Variants in ABHD2 observed in about 807,000 individuals in gnomAD.
The protein encoded by ABHD2 is abhydrolase domain containing 2, acylglycerol lipase.
A neutral mutation model predicts 48.1 loss-of-function variants in ABHD2; 20 were observed. The observed-to-expected ratio is 0.42, with a 90% CI of 0.29 to 0.60. The LOEUF is 0.60. ABHD2 is among the 20% of genes least tolerant of loss of function. The pLI, the probability that ABHD2 is intolerant of heterozygous loss-of-function variation, is 0.24. For synonymous variants in ABHD2, 209 were observed against 214.2 expected (o/e 0.98, Z 0.21); for missense variants, 405 against 550.9 (o/e 0.74, Z 2.65).
rs1242549928 is a variant in ABHD2, at chr15:89,201,007, A to G, written c.*5584A>G. 2.3e-5 allele frequency: 13 copies of G among 561,970 alleles called. No individual in the cohort carries two copies. Among genetic ancestry groups the G allele is most frequent in the Non-Finnish European group, 4.1e-5 (13 of 318,254 alleles). The allele number at this position is 561,970 out of a possible 1,614,324, so 34.8% of individuals were successfully genotyped here. On this transcript the variant is annotated 3_prime_UTR_variant, in exon 11 of 11. Transcript: ENST00000352732. Reference sequence around the variant, plus strand: ...TGAGGTGGGAGAATTGCTTGAACCCAGGAGACGGAGGTTGCAGTGAGCCGA... The same window carrying G: ...TGAGGTGGGAGAATTGCTTGAACCCGGGAGACGGAGGTTGCAGTGAGCCGA...
At chr15:89,048,935 C>T in the ABHD2 span, among the ~76,000 whole-genome samples, 28 of 142,508 alleles carry the variant, frequency 2.0e-4, no homozygotes, top group South Asian at 4.4e-3. Context: ...TGAGGAACTG[C>T]GTTCCTTTGG....
At chr15:89,062,044 C>T in the ABHD2 span, among the ~76,000 whole-genome samples, 3 of 152,116 alleles carry the variant, frequency 2.0e-5, no homozygotes, top group African/African-American at 7.2e-5. Context: ...CTTCAAGGAA[C>T]TGGAGCAGGC....
chr15:89,135,546 T>TTCA (rs2050294367), intron 3 of ABHD2: 1 of 1,412,716 alleles, frequency 7.1e-7, no homozygotes, highest in African/African-American at 1.4e-5. Flanking sequence ...AACCAACTTA[T>TTCA]TCATCATCAT....
At chr15:89,192,662 A>G (rs1341487897) in intron 9 of ABHD2, among the ~76,000 whole-genome samples, 4 of 152,150 alleles carry the variant, frequency 2.6e-5, no homozygotes, top group African/African-American at 9.7e-5. Flanking sequence ...GGCATAAGCC[A>G]TAAGCCTGAC....
intron 5 of ABHD2, among the ~76,000 whole-genome samples, chr15:89,165,293 GTTTTT>G (rs941188103): frequency 1.1e-3 from 157 of 146,088 alleles, no homozygotes; most frequent in African/African-American, 3.8e-3. Context: ...TCTAAAAAAT[GTTTTT>G]TTTTTTTAAA....
chr15:89,109,728 A>G (rs1038020551), intron 1 of ABHD2, among the ~76,000 whole-genome samples: 1 of 152,230 alleles, frequency 6.6e-6, no homozygotes, highest in African/African-American at 2.4e-5. Context: ...GCAGCAAGAT[A>G]AAGTGAATGT....
rs182448350 is a variant in ABHD2, at chr15:89,134,059, C to T, written c.194+17538C>T. 3.0e-4 allele frequency among the ~76,000 whole-genome samples: 46 copies of T among 152,150 alleles called. 2 individuals are homozygous for T. The East Asian group carries it at 3.9e-3, about 13-fold the overall frequency. ...TTCACCATGTTAGCCAGGATGGCCT[C>T]GATCTCCTGACCTCGTGATCCTCCC... On this transcript the variant is annotated intron_variant, in intron 3 of 10. Transcript: ENST00000352732.
chr15:89,069,551 T>G, the ABHD2 span, among the ~76,000 whole-genome samples: 5 of 152,162 alleles, frequency 3.3e-5, no homozygotes, highest in African/African-American at 1.2e-4. Context: ...GTTCTTGCTT[T>G]CTTTATAATT....
At chr15:89,065,635 T>C in the ABHD2 span, among the ~76,000 whole-genome samples, 1 of 152,214 alleles carries the variant, frequency 6.6e-6, no homozygotes, top group Non-Finnish European at 1.5e-5. Flanking sequence ...ATCCCTTGTA[T>C]TTCAAATGAA....
chr15:89,134,532 T>A (rs960600211), intron 3 of ABHD2, among the ~76,000 whole-genome samples: 2 of 152,238 alleles, frequency 1.3e-5, no homozygotes, highest in African/African-American at 4.8e-5. Context: ...CTTTGTACTA[T>A]GTTTTGCTGT....
chr15:89,098,518 C>G (rs1171446973), intron 1 of ABHD2, among the ~76,000 whole-genome samples: 2 of 152,180 alleles, frequency 1.3e-5, no homozygotes, highest in Non-Finnish European at 2.9e-5. Context: ...CCAACCCCTT[C>G]CAGCTCCTTG....
rs1354919827 is a variant in ABHD2, at chr15:89,094,343, T to C, written c.-107+5780T>C. ...TATTTGTGTACTGTTTACTTAGTCA[T>C]GTCAATGAGGGCAATAAAAAACAAA... On this transcript the variant is annotated intron_variant, in intron 1 of 10. Coordinates refer to ENST00000352732, the MANE Select transcript of ABHD2 (RefSeq NM_152924.5). The surrounding 1 kb of genome is among the most constrained non-coding windows in gnomAD (Gnocchi z 4.7). 6.6e-6 allele frequency: 1 copy of C among 152,172 alleles called. No individual in the cohort carries two copies. The highest frequency in any genetic ancestry group is 1.5e-5 in the Non-Finnish European group (1 of 68,030). 9.4% of individuals were successfully genotyped at this position (152,172 alleles called of 1,614,324 possible).
At chr15:89,141,091 C>T (rs1180632978) in intron 3 of ABHD2, among the ~76,000 whole-genome samples, 2 of 151,988 alleles carry the variant, frequency 1.3e-5, no homozygotes, top group African/African-American at 4.8e-5. Context: ...AACTCAGCCT[C>T]CCAAATAGCT....
chr15:89,119,237 C>A (rs1168051919), intron 3 of ABHD2, among the ~76,000 whole-genome samples: 1 of 152,218 alleles, frequency 6.6e-6, no homozygotes, highest in Non-Finnish European at 1.5e-5. Context: ...GACCAGCCCT[C>A]TTAGAGCATG....
rs986597979 is a variant in ABHD2, at chr15:89,166,151, C to G, written c.539-9661C>G. Among the ~76,000 whole-genome samples the G allele has an allele frequency of 2.6e-5, 4 of 152,192 alleles. No individual in the cohort carries two copies. The highest frequency in any genetic ancestry group is 2.6e-4 in the Admixed American group (4 of 15,274). On this transcript the variant is annotated intron_variant, in intron 5 of 10. Coordinates refer to ENST00000352732, the MANE Select transcript of ABHD2 (RefSeq NM_152924.5). This position sits in a 1 kb window ranked among gnomAD's most constrained non-coding sequence, Gnocchi z 4.6. The stretch of plus-strand genomic sequence containing the variant: ...AAAATAGGATTAAAAACAATATCTT[C>G]TATGTCAAGTGAAAGGAATAAAAAT...
chr15:89,123,902 C>A (rs1039235543), intron 3 of ABHD2, among the ~76,000 whole-genome samples: 3 of 152,154 alleles, frequency 2.0e-5, no homozygotes, highest in African/African-American at 7.2e-5. Flanking sequence ...GCCACCACAC[C>A]CAGCCCCTAA....
At position 89,168,275 on chromosome 15, in the gene ABHD2, C is replaced by A. The variant is rs2050867349; in HGVS notation, c.539-7537C>A. Among the ~76,000 whole-genome samples the A allele has an allele frequency of 6.6e-6, 1 of 152,168 alleles. No homozygotes were observed. The highest frequency in any genetic ancestry group is 1.5e-5 in the Non-Finnish European group (1 of 68,038). On this transcript the variant is annotated intron_variant, in intron 5 of 10. Transcript: ENST00000352732. The surrounding 1 kb of genome is among the most constrained non-coding windows in gnomAD (Gnocchi z 4.8). The stretch of plus-strand genomic sequence containing the variant: ...CAATACTCATCTGTCTAAGGCCCAG[C>A]TAGTGTTTCAGATTTCATCTTACTT...
rs769400257 is a variant in ABHD2, at chr15:89,094,358, TA to T, written c.-107+5801del. ...TACTTAGTCATGTCAATGAGGGCAATAAAAAACAAAAATCAGGAAGCCCAAC... is the reference window on the plus strand; with the variant it reads ...TACTTAGTCATGTCAATGAGGGCAATAAAAACAAAAATCAGGAAGCCCAAC... On this transcript the variant is annotated intron_variant, in intron 1 of 10. Transcript: ENST00000352732. This position sits in a 1 kb window ranked among gnomAD's most constrained non-coding sequence, Gnocchi z 4.7. 3.3e-5 allele frequency: 5 copies of T among 152,084 alleles called. No individual in the cohort carries two copies. The highest frequency in any genetic ancestry group is 1.2e-4 in the African/African-American group (5 of 41,404). 9.4% of individuals were successfully genotyped at this position (152,084 alleles called of 1,614,324 possible).
In ABHD2 at chr15:89,106,614, G is replaced by A. The variant is rs938716631; in HGVS notation, c.-106-7111G>A. On this transcript the variant is annotated intron_variant, in intron 1 of 10. Coordinates refer to ENST00000352732, the MANE Select transcript of ABHD2 (RefSeq NM_152924.5). This position sits in a 1 kb window ranked among gnomAD's most constrained non-coding sequence, Gnocchi z 4.2. ...AGGCCTTCTCCCCAAAATCATCTGG[G>A]CTTGTTTTCGTCCCTGCAGAATGGT... Among the ~76,000 whole-genome samples, 3 of 152,184 alleles carry A rather than the reference G, an allele frequency of 2.0e-5. No homozygotes were observed. Among genetic ancestry groups the A allele is most frequent in the African/African-American group, 7.2e-5 (3 of 41,446 alleles).
Sources: gnomAD v4.1 joint callset for allele counts (sites outside exome capture counted in the v4.1 genomes callset) on GRCh38, gnomAD v4.1.1 for gene constraint, Gnocchi (gnomAD v3.1) non-coding constraint, MANE v1.5 for transcripts, NCBI Gene and HGNC (gene_info 2026-07-23, HGNC 2026-07-21) for gene names.